Variants in MED14 observed in about 807,000 individuals in gnomAD.
MED14 encodes the protein mediator complex subunit 14.
Under a neutral mutation model 109.0 loss-of-function variants are expected in MED14, and 8 were observed. The ratio of observed to expected loss-of-function variants is 0.07; its 90% confidence interval spans 0.04 to 0.13. The LOEUF (loss-of-function observed/expected upper bound fraction) is 0.13. MED14 is among the 10% of genes least tolerant of loss of function. MED14 has a pLI of 1.00. For missense variants in MED14, 711 were observed against 1,142.4 expected, an observed-to-expected ratio of 0.62 and a Z score of 5.44; for synonymous variants, 399 against 408.7, an observed-to-expected ratio of 0.98 and a Z score of 0.29.
chrX:40,654,027 G>A (rs1015374526), intron 30 of MED14: 27 of 193,336 alleles, frequency 1.4e-4, no homozygotes, highest in Non-Finnish European at 2.3e-4. Context: ...GGTAGGGCAG[G>A]AATTCACAGC....
intron 11 of MED14, among the ~76,000 whole-genome samples, chrX:40,702,415 C>T (rs5963836): frequency 0.022 from 2,243 of 100,419 alleles, 71 homozygotes; most frequent in African/African-American, 0.082. Context: ...GGCGCGATCT[C>T]GGCTCACTGC....
At chrX:40,736,150 A>G (rs1004147522), upstream of MED14, among the ~76,000 whole-genome samples, 1 of 111,257 alleles carries the variant, frequency 9.0e-6, no homozygotes, top group African/African-American at 3.3e-5. Flanking sequence ...TGTGATTCTC[A>G]GGCCTTTGCT....
intron 3 of MED14, among the ~76,000 whole-genome samples, chrX:40,720,580 T>C (rs1931678583): frequency 1.8e-5 from 2 of 111,360 alleles, no homozygotes; most frequent in African/African-American, 6.5e-5. Context: ...ACACAAGCAC[T>C]GCAATTCCTA....
rs189294975 is a variant in MED14, at chrX:40,698,542, T to C, written c.1491-1359A>G. Among the ~76,000 whole-genome samples the C allele has an allele frequency of 8.6e-3, 973 of 112,577 alleles. 7 individuals carry two copies. The highest frequency in any genetic ancestry group is 0.029 in the African/African-American group (914 of 31,068). ...GATTATATTTACTGAAGTATAACTT[T>C]ATCTGTTGATTCTAATAAAAAACAT... On this transcript the variant is annotated intron_variant, in intron 12 of 30. Coordinates refer to ENST00000324817, the MANE Select transcript of MED14 (RefSeq NM_004229.4).
Position 40,709,377 on chromosome X carries a change from A to T in MED14, c.1256T>A (p.Ile419Asn). The T allele has an allele frequency of 8.9e-7, 1 of 1,129,328 alleles. No individual in the cohort carries two copies. Among genetic ancestry groups the T allele is most frequent in the Non-Finnish European group, 1.2e-6 (1 of 842,158 alleles). 93.1% of individuals were successfully genotyped at this position (1,129,328 alleles called of 1,213,427 possible). Reference protein sequence around the residue: ...AHQKLQELKAILRGFNANENS... With the variant: ...AHQKLQELKANLRGFNANENS... ...TTCATTGGCATTGAAGCCTCTAAGAATGGCCTTCAGTTCTTGGAGCTTCTG... is the reference window on the plus strand; with the variant it reads ...TTCATTGGCATTGAAGCCTCTAAGATTGGCCTTCAGTTCTTGGAGCTTCTG... The change falls in exon 10 of 31, where the codon ATT (isoleucine) becomes AAT (asparagine). Residue 419 changes from isoleucine (I) to asparagine (N), a missense_variant. Physicochemically the swap from Ile to Asn is moderately radical, Grantham distance 149. Transcript: ENST00000324817.
At position 40,711,385 on chromosome X, in the gene MED14, T is replaced by C. The variant is rs1020324715; in HGVS notation, c.890-84A>G. 14 of 794,235 alleles carry C rather than the reference T, an allele frequency of 1.8e-5. No individual in the cohort carries two copies. The African/African-American group carries it at 2.8e-4, about 16-fold the overall frequency. 65.5% of individuals were successfully genotyped at this position (794,235 alleles called of 1,213,427 possible). On this transcript the variant is annotated intron_variant, in intron 7 of 30. Coordinates refer to ENST00000324817, the MANE Select transcript of MED14 (RefSeq NM_004229.4). ...AGAACTTCATTTAAGGAAGGTTCTC[T>C]TATTGAAAACCTGGAGAAAAATTTC...
At position 40,692,922 on chromosome X, in the gene MED14, A is replaced by G. The variant is rs199868460; in HGVS notation, c.1651-20T>C. On this transcript the variant is annotated intron_variant, in intron 13 of 30. Transcript: ENST00000324817. ...CACAACCTAAAAATCCCAAAAAGAA[A>G]TAAGACTTAGAGAAATAAGAAGTGT... 14 of 1,106,910 alleles carry G rather than the reference A, an allele frequency of 1.3e-5. No individual in the cohort carries two copies. In the East Asian group the frequency reaches 2.0e-4, roughly 16 times the overall value. 91.2% of individuals were successfully genotyped at this position (1,106,910 alleles called of 1,213,427 possible).
chrX:40,657,680 G>T (rs1475707387), intron 28 of MED14, among the ~76,000 whole-genome samples: 1 of 112,109 alleles, frequency 8.9e-6, no homozygotes, highest in African/African-American at 3.2e-5. Flanking sequence ...CAGAAACTAA[G>T]GGAAATCCCC....
rs545762619 is a variant in MED14 at position 40,719,745 on chromosome X, T to C, written c.349-5035A>G. Among the ~76,000 whole-genome samples, 5 of 112,175 alleles carry C rather than the reference T, an allele frequency of 4.5e-5. No individual in the cohort carries two copies. In the South Asian group the frequency reaches 1.8e-3, roughly 41 times the overall value. On this transcript the variant is annotated intron_variant, in intron 3 of 30. Transcript: ENST00000324817. ...TGATGGTTGCACATATCTGTGAATA[T>C]AACAAAAACCACTGAATTGTATACT... is the stretch of plus-strand genomic sequence containing the variant.
chrX:40,713,121 A>G, intron 5 of MED14, 79 bp from the exon 6 acceptor site: 1 of 969,097 alleles, frequency 1.0e-6, no homozygotes. Context: ...TAGAATTTTC[A>G]GTCTTACTTA....
chrX:40,703,666 G>T, intron 10 of MED14, 97 bp from the exon 11 acceptor site: 1 of 683,465 alleles, frequency 1.5e-6, no homozygotes. Flanking sequence ...ACTATTGAAG[G>T]ATCCTAAATG....
At chrX:40,666,558 G>A (rs1490548838) in intron 24 of MED14, among the ~76,000 whole-genome samples, 162 bp downstream of exon 24, 1 of 112,123 alleles carries the variant, frequency 8.9e-6, no homozygotes, top group African/African-American at 3.2e-5. Context: ...CGTTACCTCT[G>A]TGTGGTGGGA....
rs181234495 is a variant in MED14 at position 40,733,848 on chromosome X, T to C, written c.215+1350A>G. Among the ~76,000 whole-genome samples the C allele has an allele frequency of 2.7e-5, 3 of 112,055 alleles. No individual in the cohort carries two copies. The East Asian group carries it at 8.4e-4, about 32-fold the overall frequency. ...ATACTGAAATGTAGGCATCTGGATATAGAGTCTGGAGTTCATCAGAGAGGT... is the reference window on the plus strand; with the variant it reads ...ATACTGAAATGTAGGCATCTGGATACAGAGTCTGGAGTTCATCAGAGAGGT... On this transcript the variant is annotated intron_variant, in intron 1 of 30. Transcript: ENST00000324817.
At chrX:40,661,896 C>T (rs1246752665) in intron 26 of MED14, among the ~76,000 whole-genome samples, 2 of 111,321 alleles carry the variant, frequency 1.8e-5, no homozygotes, top group African/African-American at 6.6e-5. Flanking sequence ...CACAGTCTCA[C>T]TCTGTTGCCC....
intron 11 of MED14, 50 bp from the exon 12 acceptor site, chrX:40,701,293 T>C: frequency 1.3e-6 from 1 of 791,271 alleles, no homozygotes; most frequent in Non-Finnish European, 1.9e-6. Flanking sequence ...AGAAACAAAA[T>C]CTTTATCTAG....
chrX:40,680,453 C>T (rs932734425), intron 20 of MED14, among the ~76,000 whole-genome samples: 1 of 111,644 alleles, frequency 9.0e-6, no homozygotes, highest in Non-Finnish European at 1.9e-5. Flanking sequence ...GGTCTCATTC[C>T]GACACCCAGG....
intron 3 of MED14, chrX:40,715,034 A>G (rs777929502): frequency 4.3e-4 from 71 of 165,092 alleles, no homozygotes; most frequent in Non-Finnish European, 7.4e-4. Flanking sequence ...ACAGACTTCC[A>G]GAGTTGGTTG....
At chrX:40,666,549 G>A (rs1223851081) in intron 24 of MED14, among the ~76,000 whole-genome samples, 171 bp downstream of exon 24, 1 of 111,842 alleles carries the variant, frequency 8.9e-6, no homozygotes, top group Non-Finnish European at 1.9e-5. Context: ...CTCACTGGTC[G>A]TTACCTCTGT....
At chrX:40,687,429 G>C (rs5918026) in intron 16 of MED14, among the ~76,000 whole-genome samples, 26,937 of 110,860 alleles carry the variant, frequency 0.24, 2,946 homozygotes, top group African/African-American at 0.43. Context: ...TTGCTATCAG[G>C]TTGAGCTTTC....
Sources: allele counts gnomAD v4.1 joint callset (sites outside exome capture counted in the v4.1 genomes callset), GRCh38; gene constraint gnomAD v4.1.1; transcripts MANE v1.5; gene names NCBI Gene and HGNC (gene_info 2026-07-23, HGNC 2026-07-21).